Variants in TBC1D30 observed in about 807,000 individuals in gnomAD.
The protein encoded by TBC1D30 is TBC1 domain family member 30.
Under a neutral mutation model 63.2 loss-of-function variants are expected in TBC1D30, and 31 were observed. The ratio of observed to expected loss-of-function variants is 0.49; its 90% CI spans 0.37 to 0.66. The LOEUF is 0.66. Ranked by LOEUF, TBC1D30 falls within the 30% of genes least tolerant of loss-of-function variation. TBC1D30 has a pLI of 0.00. For synonymous variants in TBC1D30, 307 were observed against 361.5 expected (o/e 0.85, Z 1.71); for missense variants, 810 against 953.6 (o/e 0.85, Z 1.98).
intron 8 of TBC1D30, among the ~76,000 whole-genome samples, chr12:64,862,497 C>A (rs766747316): frequency 6.6e-6 from 1 of 152,154 alleles, no homozygotes; most frequent in Non-Finnish European, 1.5e-5. Flanking sequence ...GGATCTTGCT[C>A]AGAGCCTAGA....
chr12:64,777,551 G>A (rs76630806), upstream of TBC1D30, among the ~76,000 whole-genome samples: 1 of 152,088 alleles, frequency 6.6e-6, no homozygotes, highest in Non-Finnish European at 1.5e-5. Context: ...AGCTAACTAG[G>A]GAGGTAAAAG....
chr12:64,814,672 G>C (rs1873418575), intron 2 of TBC1D30, among the ~76,000 whole-genome samples: 1 of 152,200 alleles, frequency 6.6e-6, no homozygotes, highest in Non-Finnish European at 1.5e-5. Context: ...ACGGACTAAA[G>C]ACAGTGGTAA....
chr12:64,879,403 T>C lies in TBC1D30; in HGVS notation c.*3615T>C, dbSNP rs1469750695. The C allele has an allele frequency of 6.6e-6, 1 of 152,234 alleles. No individual in the cohort carries two copies. The highest frequency in any genetic ancestry group is 1.5e-5 in the Non-Finnish European group (1 of 68,044). The allele number at this position is 152,234 out of a possible 1,614,324, so 9.4% of individuals were successfully genotyped here. On this transcript the variant is annotated 3_prime_UTR_variant, in exon 12 of 12. Coordinates refer to ENST00000539867, the MANE Select transcript of TBC1D30 (RefSeq NM_015279.2). ...ACATGTATGTACATAGCCCGAATTA[T>C]TTTCTTAGGATATGCGTATAGAAGT...
intron 2 of TBC1D30, among the ~76,000 whole-genome samples, chr12:64,786,489 G>T (rs905899273): frequency 2.6e-5 from 4 of 151,958 alleles, no homozygotes; most frequent in Non-Finnish European, 4.4e-5. Context: ...CCGCCACCAG[G>T]CCTGGCTAAT....
Position 64,824,791 on chromosome 12 carries a change from A to G in TBC1D30, c.-89A>G, listed in dbSNP as rs1013864431. The G allele has an allele frequency of 6.8e-7, 1 of 1,467,680 alleles. No individual in the cohort carries two copies. The highest frequency in any genetic ancestry group is 9.0e-7 in the Non-Finnish European group (1 of 1,106,994). The allele number at this position is 1,467,680 out of a possible 1,614,324, so 90.9% of individuals were successfully genotyped here. On this transcript the variant is annotated 5_prime_UTR_variant, in exon 1 of 12. Coordinates refer to ENST00000539867, the MANE Select transcript of TBC1D30 (RefSeq NM_015279.2). ...ACGGGCCGGTCAGCCGCAGACACTCACCCAGCTCCGCGAGCTCAGCCGCTC... is the reference window on the plus strand; with the variant it reads ...ACGGGCCGGTCAGCCGCAGACACTCGCCCAGCTCCGCGAGCTCAGCCGCTC...
upstream of TBC1D30, among the ~76,000 whole-genome samples, chr12:64,777,980 TCA>T (rs1363756286): frequency 6.6e-6 from 1 of 152,208 alleles, no homozygotes; most frequent in East Asian, 1.9e-4. Context: ...CAGGCTGTTC[TCA>T]AACTCCTGCT....
chr12:64,856,746 A>T (rs1327111857), intron 8 of TBC1D30, among the ~76,000 whole-genome samples: 5 of 152,132 alleles, frequency 3.3e-5, no homozygotes, highest in African/African-American at 1.2e-4. Flanking sequence ...TGGAGTTAAA[A>T]ACCTTAGAAA....
intron 1 of TBC1D30, among the ~76,000 whole-genome samples, chr12:64,766,173 C>A (rs76013300): frequency 6.6e-6 from 1 of 151,760 alleles, no homozygotes; most frequent in Non-Finnish European, 1.5e-5. Context: ...GAGAAAAAAA[C>A]GAAAATAAAA....
At chr12:64,861,282 T>A (rs1877765055) in intron 8 of TBC1D30, among the ~76,000 whole-genome samples, 2 of 152,204 alleles carry the variant, frequency 1.3e-5, no homozygotes. Flanking sequence ...TCTATTTAAG[T>A]GTATGTTGGT....
At chr12:64,864,809 C>A (rs1427063495) in intron 9 of TBC1D30, 29 bp downstream of exon 9, 1 of 1,399,852 alleles carries the variant, frequency 7.1e-7, no homozygotes, top group Non-Finnish European at 9.8e-7. Context: ...TTGTTGTTTT[C>A]ATGATGGAGG....
chr12:64,798,788 G>A (rs1473321068), intron 2 of TBC1D30, among the ~76,000 whole-genome samples: 1 of 150,582 alleles, frequency 6.6e-6, no homozygotes, highest in Non-Finnish European at 1.5e-5. Flanking sequence ...CTGCCAGGCT[G>A]GTCTGGCTTC....
At chr12:64,824,625 G>A (rs990124865), upstream of TBC1D30, 55 of 285,022 alleles carry the variant, frequency 1.9e-4, 1 homozygote, top group Non-Finnish European at 3.2e-5. Flanking sequence ...CGCCCTCCCC[G>A]CCTCGAGCGA....
intron 7 of TBC1D30, among the ~76,000 whole-genome samples, chr12:64,839,186 A>G (rs776603647): frequency 4.6e-5 from 7 of 152,228 alleles, no homozygotes; most frequent in Non-Finnish European, 4.4e-5. Flanking sequence ...GGTTAGGAGT[A>G]GGTGAATTTG....
chr12:64,822,983 A>G (rs1427562704), upstream of TBC1D30, among the ~76,000 whole-genome samples: 1 of 151,916 alleles, frequency 6.6e-6, no homozygotes, highest in African/African-American at 2.4e-5. Context: ...GTGGGTGTTC[A>G]TTGCTGCTGA....
At chr12:64,819,406 CTTTTTTTTTTTTTTTTT>C (rs55757950) in intron 2 of TBC1D30, among the ~76,000 whole-genome samples, 2 of 77,992 alleles carry the variant, frequency 2.6e-5, no homozygotes, top group African/African-American at 9.4e-5. Flanking sequence ...GAAGGAACTA[CTTTTTTTTTTTTTTTTT>C]TTTTTTTTTT....
chr12:64,807,706 T>G (rs1411207168), intron 2 of TBC1D30, among the ~76,000 whole-genome samples: 1 of 152,038 alleles, frequency 6.6e-6, no homozygotes, highest in East Asian at 1.9e-4. Flanking sequence ...CCAAACTGGT[T>G]TTTTTACCAG....
intron 2 of TBC1D30, among the ~76,000 whole-genome samples, chr12:64,811,862 G>A (rs928048618): frequency 2.0e-5 from 3 of 152,312 alleles, no homozygotes; most frequent in Admixed American, 6.5e-5. Flanking sequence ...TGGGGGCTGT[G>A]AACAAGTCTA....
rs1879319683 is a variant in TBC1D30, at chr12:64,879,497, G to C, written c.*3709G>C. On this transcript the variant is annotated 3_prime_UTR_variant, in exon 12 of 12. Coordinates refer to ENST00000539867, the MANE Select transcript of TBC1D30 (RefSeq NM_015279.2). ...TATCTCCAAATTGCCATTCTTAAAG[G>C]TTGGAGTTATACAAGTAGTGAATGA... 1.3e-5 allele frequency: 2 copies of C among 152,214 alleles called. No individual in the cohort carries two copies. Among genetic ancestry groups the C allele is most frequent in the South Asian group, 4.1e-4 (2 of 4,832 alleles). 9.4% of individuals were successfully genotyped at this position (152,214 alleles called of 1,614,324 possible).
rs1592672513 is a variant in TBC1D30, at chr12:64,876,603, C to T, written c.*815C>T. On this transcript the variant is annotated 3_prime_UTR_variant, in exon 12 of 12. Coordinates refer to ENST00000539867, the MANE Select transcript of TBC1D30 (RefSeq NM_015279.2). ...TACGGATGACTTGATGGGCTCCATG[C>T]GGAGCCTGGCCTGCATCCCCCACCA... is the stretch of plus-strand genomic sequence containing the variant. 4 of 354,216 alleles carry T rather than the reference C, an allele frequency of 1.1e-5. No individual in the cohort carries two copies. Among genetic ancestry groups the T allele is most frequent in the South Asian group, 4.3e-5 (2 of 46,886 alleles). The allele number at this position is 354,216 out of a possible 1,614,324, so 21.9% of individuals were successfully genotyped here. A position where few individuals can be genotyped will look rare whatever the true frequency, so the allele number is the denominator to read the frequency against.
Sources: gnomAD v4.1 joint callset for allele counts (sites outside exome capture counted in the v4.1 genomes callset) on GRCh38, gnomAD v4.1.1 for gene constraint, MANE v1.5 for transcripts, NCBI Gene and HGNC (gene_info 2026-07-23, HGNC 2026-07-21) for gene names.